The following CPSF2 variants were observed in gnomAD, a reference collection of about 807,000 sequenced individuals.
The protein encoded by CPSF2 is cleavage and polyadenylation specific factor 2, also known as cleavage and polyadenylation specificity factor subunit 2.
In CPSF2, 51 loss-of-function variants were observed where a neutral mutation model predicts 84.2. The ratio of observed to expected loss-of-function variants is 0.61; its 90% confidence interval spans 0.48 to 0.77. The LOEUF (loss-of-function observed/expected upper bound fraction) is 0.77. CPSF2 is among the 30% of genes least tolerant of loss of function. CPSF2 has a pLI of 0.00. For missense variants in CPSF2, 641 were observed against 929.4 expected (o/e 0.69, Z 4.03); for synonymous variants, 286 against 311.9 (o/e 0.92, Z 0.87).
Position 92,164,948 on chromosome 14 carries a change from A to T in CPSF2, c.*3204A>T, listed in dbSNP as rs1595071661. On this transcript the variant is annotated 3_prime_UTR_variant, in exon 16 of 16. Coordinates refer to ENST00000298875, the MANE Select transcript of CPSF2 (RefSeq NM_017437.3). ...TCACTCCTCATGCCCCCTTCCTATG[A>T]CCCCTGGCAGCCATTAATCTACTTT... The T allele has an allele frequency of 6.6e-6, 1 of 152,114 alleles. No individual in the cohort carries two copies. The highest frequency in any genetic ancestry group is 2.4e-5 in the African/African-American group (1 of 41,412). 9.4% of individuals were successfully genotyped at this position (152,114 alleles called of 1,614,324 possible).
chr14:92,132,387 G>A (rs1233096743), intron 3 of CPSF2, among the ~76,000 whole-genome samples: 1 of 151,414 alleles, frequency 6.6e-6, no homozygotes, highest in East Asian at 2.0e-4. Context: ...CACCTACCTC[G>A]GCCTCCCAAA....
rs757521075 is a variant in CPSF2, at chr14:92,170,558, A to C, written c.*8814A>C. ...ATAACCCTTTCCTTTTTTGGTCCACAGTCCAATCAGGATGAAGCACGCATT... is the reference window on the plus strand; with the variant it reads ...ATAACCCTTTCCTTTTTTGGTCCACCGTCCAATCAGGATGAAGCACGCATT... On this transcript the variant is annotated 3_prime_UTR_variant, in exon 16 of 16. Transcript: ENST00000298875. 6.6e-6 allele frequency: 1 copy of C among 152,172 alleles called. No homozygotes were observed. Among genetic ancestry groups the C allele is most frequent in the Non-Finnish European group, 1.5e-5 (1 of 68,024 alleles). 9.4% of individuals were successfully genotyped at this position (152,172 alleles called of 1,614,324 possible). A position where few individuals can be genotyped will look rare whatever the true frequency, so the allele number is the denominator to read the frequency against.
At position 92,165,858 on chromosome 14, in the gene CPSF2, T is replaced by TG. The variant is rs2069439480; in HGVS notation, c.*4114_*4115insG. On this transcript the variant is annotated 3_prime_UTR_variant, in exon 16 of 16. Coordinates refer to ENST00000298875, the MANE Select transcript of CPSF2 (RefSeq NM_017437.3). ...TCTTTGTGCTTGGTTTTATATCTTT[T>TG]TTTTTTTTTTTTTTTTTTTTTGAGA... 1 of 110,960 alleles carries TG rather than the reference T, an allele frequency of 9.0e-6. No homozygotes were observed. The highest frequency in any genetic ancestry group is 3.8e-5 in the African/African-American group (1 of 26,546). 6.9% of individuals were successfully genotyped at this position (110,960 alleles called of 1,614,324 possible).
chr14:92,160,367 A>G (rs1195644486), intron 14 of CPSF2, among the ~76,000 whole-genome samples: 1 of 152,220 alleles, frequency 6.6e-6, no homozygotes, highest in East Asian at 1.9e-4. Flanking sequence ...TAGCATTTAC[A>G]TATTCTTGAG....
In CPSF2 at chr14:92,167,676, T is replaced by A. The variant is rs1423647387; in HGVS notation, c.*5932T>A. ...GCAGCTGTTATTTAGGACAGTGGCATGCTGAGAAATAGATTGATTTCTATT... is the reference window on the plus strand; with the variant it reads ...GCAGCTGTTATTTAGGACAGTGGCAAGCTGAGAAATAGATTGATTTCTATT... On this transcript the variant is annotated 3_prime_UTR_variant, in exon 16 of 16. Coordinates refer to ENST00000298875, the MANE Select transcript of CPSF2 (RefSeq NM_017437.3). 6.6e-6 allele frequency: 1 copy of A among 152,190 alleles called. No homozygotes were observed. The highest frequency in any genetic ancestry group is 1.9e-4 in the East Asian group (1 of 5,188). 9.4% of individuals were successfully genotyped at this position (152,190 alleles called of 1,614,324 possible).
At chr14:92,132,386 C>T (rs539879466) in intron 3 of CPSF2, among the ~76,000 whole-genome samples, 1 of 152,054 alleles carries the variant, frequency 6.6e-6, no homozygotes, top group African/African-American at 2.4e-5. Context: ...CCACCTACCT[C>T]GGCCTCCCAA....
In CPSF2 at chr14:92,157,090, CTTAG is replaced by C. The variant is rs1424376133; in HGVS notation, c.1595+463_1595+466del. Among the ~76,000 whole-genome samples, 1 of 152,116 alleles carries C rather than the reference CTTAG, an allele frequency of 6.6e-6. No homozygotes were observed. Among genetic ancestry groups the C allele is most frequent in the African/African-American group, 2.4e-5 (1 of 41,408 alleles). Reference sequence around the variant, plus strand: ...GAAACCTTTTTTCTCCCGCTTTCTACTTAGTTAAATAATACCAGTAAGTGATCAT... The same window carrying C: ...GAAACCTTTTTTCTCCCGCTTTCTACTTAAATAATACCAGTAAGTGATCAT... On this transcript the variant is annotated intron_variant, in intron 12 of 15. Transcript: ENST00000298875. This position sits in a 1 kb window ranked among gnomAD's most constrained non-coding sequence, Gnocchi z 4.0.
chr14:92,155,224 G>T lies in CPSF2; in HGVS notation c.1343G>T (p.Ser448Ile). ...KHDLMMKGEGSRKGSFFKQAK... is the reference protein window; with the variant it reads ...KHDLMMKGEGIRKGSFFKQAK... ...GACTTGATGATGAAAGGTGAAGGCA[G>T]TCGTAAAGGAAGTTTTTTCAAACAG... The change falls in exon 11 of 16, where the codon AGT (serine) becomes ATT (isoleucine). Residue 448 changes from serine (S) to isoleucine (I), a missense_variant. Physicochemically the swap from Ser to Ile is moderately radical, Grantham distance 142. This residue lies in a region of CPSF2 where 430 missense variants were observed against 553.6 expected (regional missense o/e 0.78). Transcript: ENST00000298875. The T allele has an allele frequency of 1.9e-6, 3 of 1,614,096 alleles. No homozygotes were observed. Among genetic ancestry groups the T allele is most frequent in the Non-Finnish European group, 2.5e-6 (3 of 1,179,968 alleles).
chr14:92,129,059 A>G (rs74074422), intron 2 of CPSF2, among the ~76,000 whole-genome samples: 1,844 of 152,282 alleles, frequency 0.012, 40 homozygotes, highest in African/African-American at 0.042. Flanking sequence ...GGACTAGACT[A>G]TTTGAAAGAG....
At chr14:92,156,415 G>T in intron 11 of CPSF2, 64 bp from the exon 12 acceptor site, 1 of 1,349,988 alleles carries the variant, frequency 7.4e-7, no homozygotes, top group Non-Finnish European at 1.0e-6. Context: ...CCACCTACTA[G>T]TCATATATGT....
At position 92,162,658 on chromosome 14, in the gene CPSF2, G is replaced by A. The variant is rs2069390492; in HGVS notation, c.*914G>A. ...CCTAAGGTCACCCAAGCAGTGGTTG[G>A]ATTTTATACACATTACTACTAAAAT... On this transcript the variant is annotated 3_prime_UTR_variant, in exon 16 of 16. Coordinates refer to ENST00000298875, the MANE Select transcript of CPSF2 (RefSeq NM_017437.3). 3 of 152,184 alleles carry A rather than the reference G, an allele frequency of 2.0e-5. 1 individual carries two copies. The highest frequency in any genetic ancestry group is 4.1e-4 in the South Asian group (2 of 4,826). 9.4% of individuals were successfully genotyped at this position (152,184 alleles called of 1,614,324 possible). A position where few individuals can be genotyped will look rare whatever the true frequency, so the allele number is the denominator to read the frequency against.
rs578062563 is a variant in CPSF2 at position 92,148,743 on chromosome 14, G to A, written c.1140+5449G>A. ...GCTTGAGCCTAGGAGTTTAAGGCAA[G>A]CCTGGGCGATATAGCAAGGCCTCTT... is the stretch of plus-strand genomic sequence containing the variant. On this transcript the variant is annotated intron_variant, in intron 9 of 15. Coordinates refer to ENST00000298875, the MANE Select transcript of CPSF2 (RefSeq NM_017437.3). Among the ~76,000 whole-genome samples the A allele has an allele frequency of 5.5e-5, 8 of 146,020 alleles. No individual in the cohort carries two copies. The South Asian group carries it at 1.5e-3, about 27-fold the overall frequency.
chr14:92,164,981 C>T lies in CPSF2; in HGVS notation c.*3237C>T, dbSNP rs2069424540. On this transcript the variant is annotated 3_prime_UTR_variant, in exon 16 of 16. Transcript: ENST00000298875. ...CAGCCATTAATCTACTTTCTGTCTCCTTGAATTTGGATTTTCTGGACACTT... is the reference window on the plus strand; with the variant it reads ...CAGCCATTAATCTACTTTCTGTCTCTTTGAATTTGGATTTTCTGGACACTT... The T allele has an allele frequency of 6.6e-6, 1 of 152,194 alleles. No homozygotes were observed. The highest frequency in any genetic ancestry group is 2.1e-4 in the South Asian group (1 of 4,830). 9.4% of individuals were successfully genotyped at this position (152,194 alleles called of 1,614,324 possible). A position where few individuals can be genotyped will look rare whatever the true frequency, so the allele number is the denominator to read the frequency against.
chr14:92,122,237 G>A (rs1209842678), intron 1 of CPSF2, 109 bp downstream of exon 1: 6 of 281,984 alleles, frequency 2.1e-5, no homozygotes, highest in African/African-American at 9.0e-5. Context: ...CCGAGGACTC[G>A]CCCCCGCCGC....
intron 9 of CPSF2, among the ~76,000 whole-genome samples, chr14:92,149,339 T>C (rs1156422920): frequency 1.3e-5 from 2 of 152,220 alleles, no homozygotes; most frequent in Non-Finnish European, 1.5e-5. Context: ...CCTAACACTT[T>C]GCGAGGCTAA....
In CPSF2 at chr14:92,153,866, C is replaced by CTTT. The variant is rs767628179; in HGVS notation, c.1141-474_1141-472dup. 0.01 allele frequency among the ~76,000 whole-genome samples: 1,266 copies of CTTT among 121,606 alleles called. 38 individuals carry two copies. In the East Asian group the frequency reaches 0.1, roughly 10 times the overall value. 79.8% of individuals were successfully genotyped at this position (121,606 alleles called of 152,430 possible). ...AACAGGCACATGCCACCACTCCTGGCTTTTTTTTTTTTTTTTTTTTATGTG... is the reference window on the plus strand; with the variant it reads ...AACAGGCACATGCCACCACTCCTGGCTTTTTTTTTTTTTTTTTTTTTTTATGTG... On this transcript the variant is annotated intron_variant, in intron 9 of 15. Coordinates refer to ENST00000298875, the MANE Select transcript of CPSF2 (RefSeq NM_017437.3).
Position 92,144,345 on chromosome 14 carries a change from A to G in CPSF2, c.1140+1051A>G, listed in dbSNP as rs2069117778. ...ACCTCAGACATCCATTCCTGCTATC[A>G]TGCTATCTGCTCCTGTGGTCATTGC... On this transcript the variant is annotated intron_variant, in intron 9 of 15. Coordinates refer to ENST00000298875, the MANE Select transcript of CPSF2 (RefSeq NM_017437.3). Among the ~76,000 whole-genome samples, 3 of 152,150 alleles carry G rather than the reference A, an allele frequency of 2.0e-5. No individual in the cohort carries two copies. In the South Asian group the frequency reaches 6.2e-4, roughly 32 times the overall value.
intron 6 of CPSF2, 122 bp downstream of exon 6, chr14:92,135,618 C>A: frequency 1.1e-6 from 1 of 871,718 alleles, no homozygotes; most frequent in Non-Finnish European, 1.8e-6. Context: ...TTAAAACCGT[C>A]AAATAGGGAG....
chr14:92,132,010 GT>G, intron 3 of CPSF2, among the ~76,000 whole-genome samples: 1 of 152,216 alleles, frequency 6.6e-6, no homozygotes, highest in South Asian at 2.1e-4. Flanking sequence ...ATTAACTGAA[GT>G]TTTACTATTC....
Sources: gnomAD v4.1 joint callset for allele counts (sites outside exome capture counted in the v4.1 genomes callset) on GRCh38, gnomAD v4.1.1 for gene constraint, gnomAD v4.1.1 regional missense constraint, Gnocchi (gnomAD v3.1) non-coding constraint, MANE v1.5 for transcripts, NCBI Gene and HGNC (gene_info 2026-07-23, HGNC 2026-07-21) for gene names.